NIPA2: variants seen among roughly 807,000 people sequenced by gnomAD.
The protein encoded by NIPA2 is magnesium transporter NIPA2.
Under a neutral mutation model 29.7 loss-of-function variants are expected in NIPA2, and 11 were observed. That is an observed-to-expected ratio of 0.37 (90% CI 0.23 to 0.61). The LOEUF (loss-of-function observed/expected upper bound fraction) is 0.61, where lower values mean the gene tolerates loss of function less well. Ranked by LOEUF, NIPA2 falls within the 20% of genes least tolerant of loss-of-function variation. NIPA2 has a pLI of 0.66. For synonymous variants in NIPA2, 183 were observed against 161.9 expected (o/e 1.13, Z -0.99); for missense variants, 426 against 437.9 (o/e 0.97, Z 0.24).
Position 22,851,847 on chromosome 15 carries a change from C to A in NIPA2, c.116C>A (p.Ala39Asp). ...ILKKKGLLRLARKGSMRAGQG... is the reference protein window; with the variant it reads ...ILKKKGLLRLDRKGSMRAGQG... The stretch of plus-strand genomic sequence containing the variant: ...AAAAAAAAGGGCCTCCTTCGACTTG[C>A]CAGGAAAGGCTCTATGAGAGCAGGT... The change falls in exon 4 of 8, where the codon GCC (alanine) becomes GAC (aspartate). Residue 39 changes from alanine (A) to aspartate (D), a missense_variant. Ala to Asp is a moderately radical substitution (Grantham distance 126). Transcript: ENST00000337451. The A allele has an allele frequency of 1.2e-6, 2 of 1,613,550 alleles. No individual in the cohort carries two copies. The highest frequency in any genetic ancestry group is 1.1e-5 in the South Asian group (1 of 91,032).
chr15:22,847,522 T>C (rs557076032), intron 3 of NIPA2, among the ~76,000 whole-genome samples: 1 of 151,484 alleles, frequency 6.6e-6, no homozygotes, highest in Non-Finnish European at 1.5e-5. Context: ...TGGAATGCAG[T>C]GGGGTGATCT....
chr15:22,858,156 G>A (rs1210213504), intron 5 of NIPA2, among the ~76,000 whole-genome samples: 1 of 152,176 alleles, frequency 6.6e-6, no homozygotes, highest in Non-Finnish European at 1.5e-5. Context: ...CACTTTGGGA[G>A]GCCGAGGCGG....
chr15:22,840,449 G>A (rs1896763724), intron 2 of NIPA2, among the ~76,000 whole-genome samples: 1 of 151,770 alleles, frequency 6.6e-6, no homozygotes. Context: ...AGGCGCCGGC[G>A]ACCACGCCCA....
intron 3 of NIPA2, among the ~76,000 whole-genome samples, chr15:22,846,318 C>T (rs955910405): frequency 8.5e-5 from 13 of 152,082 alleles, no homozygotes; most frequent in Non-Finnish European, 1.8e-4. Flanking sequence ...TGTTTGGCAT[C>T]TTGGGGAGGG....
chr15:22,853,374 CTTTTTTT>C, intron 5 of NIPA2, 106 bp downstream of exon 5: 2 of 379,456 alleles, frequency 5.3e-6, no homozygotes, highest in Admixed American at 4.4e-5. Context: ...TTTAAATAAT[CTTTTTTT>C]TTTTTTTTTT....
chr15:22,867,170 G>A lies in NIPA2; in HGVS notation c.*323G>A. ...AATGCTTTATTTTTTCATTGGTGAT[G>A]AAAGTCTGAAATGTGCATTTGTCAT... is the stretch of plus-strand genomic sequence containing the variant. On this transcript the variant is annotated 3_prime_UTR_variant, in exon 8 of 8. Coordinates refer to ENST00000337451, the MANE Select transcript of NIPA2 (RefSeq NM_030922.7). 1 of 443,574 alleles carries A rather than the reference G, an allele frequency of 2.3e-6. No homozygotes were observed. Among genetic ancestry groups the A allele is most frequent in the Non-Finnish European group, 3.9e-6 (1 of 253,956 alleles). 27.5% of individuals were successfully genotyped at this position (443,574 alleles called of 1,614,324 possible).
intron 2 of NIPA2, among the ~76,000 whole-genome samples, chr15:22,844,533 G>A (rs1283742172): frequency 6.7e-6 from 1 of 149,082 alleles, no homozygotes; most frequent in African/African-American, 2.5e-5. Context: ...CAGCCCGGGC[G>A]ACAGTGCAAG....
chr15:22,846,903 T>TTG (rs1898889493), intron 3 of NIPA2, among the ~76,000 whole-genome samples: 1 of 95,258 alleles, frequency 1.0e-5, no homozygotes, highest in East Asian at 3.5e-4. Flanking sequence ...TTTGTTGTTG[T>TTG]TTTTTTTTTG....
chr15:22,841,417 A>G (rs1273714052), intron 2 of NIPA2, among the ~76,000 whole-genome samples: 1 of 152,240 alleles, frequency 6.6e-6, no homozygotes, highest in African/African-American at 2.4e-5. Context: ...ATGAAAATAA[A>G]TTATGATCTG....
chr15:22,866,795 A>T lies in NIPA2; in HGVS notation c.1031A>T (p.Gln344Leu), dbSNP rs1425971810. ...NEESLTCGIE[Q>L]HTGENVSRRN... ...GAAAGCTTAACCTGTGGAATCGAACAACACACTGGTGAAAATGTCTCCCGA... is the reference window on the plus strand; with the variant it reads ...GAAAGCTTAACCTGTGGAATCGAACTACACACTGGTGAAAATGTCTCCCGA... The change falls in exon 8 of 8, where the codon CAA becomes CTA. Residue 344 changes from glutamine to leucine, a missense_variant. Gln to Leu is a moderately radical substitution (Grantham distance 113). Transcript: ENST00000337451. The T allele has an allele frequency of 6.2e-7, 1 of 1,608,772 alleles. No homozygotes were observed.
At chr15:22,860,211 G>A (rs549012515) in intron 6 of NIPA2, among the ~76,000 whole-genome samples, 84 of 152,092 alleles carry the variant, frequency 5.5e-4, no homozygotes, top group Middle Eastern at 6.8e-3. Flanking sequence ...GTAGAGATGG[G>A]GTTTCACCAT....
At chr15:22,852,595 C>T (rs998244191) in intron 4 of NIPA2, among the ~76,000 whole-genome samples, 1 of 152,104 alleles carries the variant, frequency 6.6e-6, no homozygotes, top group Non-Finnish European at 1.5e-5. Flanking sequence ...GCTTCCCCAG[C>T]TTGAAGAGTA....
At chr15:22,864,776 G>A (rs1386687349) in intron 7 of NIPA2, among the ~76,000 whole-genome samples, 1 of 152,158 alleles carries the variant, frequency 6.6e-6, no homozygotes, top group East Asian at 1.9e-4. Flanking sequence ...TTTTATCACA[G>A]CGGATGTGTA....
chr15:22,866,502 C>T lies in NIPA2; in HGVS notation c.738C>T (p.Ser246=). 5.0e-6 allele frequency: 8 copies of T among 1,613,754 alleles called. No homozygotes were observed. The highest frequency in any genetic ancestry group is 6.8e-6 in the Non-Finnish European group (8 of 1,179,648). The change falls in exon 8 of 8, where the codon TCC becomes TCT. Residue 246 remains serine (S), a synonymous_variant. Coordinates refer to ENST00000337451, the MANE Select transcript of NIPA2 (RefSeq NM_030922.7). The stretch of plus-strand genomic sequence containing the variant: ...GGGCCCTGGATATATTCAACACTTC[C>T]ATTGTGACTCCAATATATTATGTAT... ...LNRALDIFNT[S]IVTPIYYVFF...
At chr15:22,851,299 G>C (rs1216990908) in intron 3 of NIPA2, among the ~76,000 whole-genome samples, 1 of 152,076 alleles carries the variant, frequency 6.6e-6, no homozygotes, top group Non-Finnish European at 1.5e-5. Context: ...CCTGATAAAT[G>C]TATTTCCAAA....
At chr15:22,841,328 A>C (rs1484472743) in intron 2 of NIPA2, among the ~76,000 whole-genome samples, 26 of 152,210 alleles carry the variant, frequency 1.7e-4, no homozygotes, top group Admixed American at 1.7e-3. Flanking sequence ...GAGCATCCTT[A>C]AACATTTCTG....
intron 2 of NIPA2, among the ~76,000 whole-genome samples, chr15:22,843,286 C>T (rs1000446820): frequency 2.6e-5 from 4 of 151,992 alleles, no homozygotes; most frequent in East Asian, 1.9e-4. Flanking sequence ...TGTTGGATCA[C>T]GAGGTCAGGA....
At chr15:22,859,669 T>C (rs2058481736) in intron 6 of NIPA2, among the ~76,000 whole-genome samples, 1 of 152,194 alleles carries the variant, frequency 6.6e-6, no homozygotes, top group Non-Finnish European at 1.5e-5. Flanking sequence ...TTCTGCTTTG[T>C]AATGATTAGC....
intron 2 of NIPA2, among the ~76,000 whole-genome samples, chr15:22,842,702 A>T (rs1897411540): frequency 6.6e-6 from 1 of 152,084 alleles, no homozygotes; most frequent in Non-Finnish European, 1.5e-5. Flanking sequence ...GGTTGCAGGC[A>T]CCTGTAATCC....
Sources: allele counts gnomAD v4.1 joint callset (sites outside exome capture counted in the v4.1 genomes callset), GRCh38; gene constraint gnomAD v4.1.1; transcripts MANE v1.5; gene names NCBI Gene and HGNC (gene_info 2026-07-23, HGNC 2026-07-21).